NLGN1: variants seen among roughly 807,000 people sequenced by gnomAD.
The protein encoded by NLGN1 is neuroligin-1.
NLGN1 carries 12 observed loss-of-function variants against 65.5 expected under a neutral mutation model. The ratio of observed to expected loss-of-function variants is 0.18; its 90% CI spans 0.12 to 0.30. NLGN1 has a LOEUF of 0.30. NLGN1 is among the 10% of genes least tolerant of loss of function. The probability of loss-of-function intolerance (pLI) is 1.00; values close to 1 mark genes in which losing one functional copy is unlikely to be tolerated. For synonymous variants in NLGN1, 350 were observed against 359.5 expected, an observed-to-expected ratio of 0.97 and a Z score of 0.30; for missense variants, 750 against 1,007.1, an observed-to-expected ratio of 0.74 and a Z score of 3.46.
intron 3 of NLGN1, among the ~76,000 whole-genome samples, chr3:173,752,189 C>T (rs1216764400): frequency 2.0e-5 from 3 of 152,150 alleles, no homozygotes; most frequent in Non-Finnish European, 4.4e-5. Flanking sequence ...TGCCAGACTT[C>T]TGAAGGGCAA....
chr3:173,444,563 T>C (rs1719822000), intron 2 of NLGN1, among the ~76,000 whole-genome samples: 1 of 152,164 alleles, frequency 6.6e-6, no homozygotes, highest in Admixed American at 6.5e-5. Flanking sequence ...CAAAAAAATA[T>C]ATATATTCAC....
At chr3:173,934,701 CAAAGT>C (rs1158010618) in intron 4 of NLGN1, among the ~76,000 whole-genome samples, 4 of 151,916 alleles carry the variant, frequency 2.6e-5, no homozygotes. Context: ...TGAGTATTCT[CAAAGT>C]ATTTTCTCAG....
At chr3:173,770,361 T>C (rs966702287) in intron 3 of NLGN1, among the ~76,000 whole-genome samples, 5 of 152,222 alleles carry the variant, frequency 3.3e-5, no homozygotes, top group African/African-American at 1.2e-4. Flanking sequence ...ACAGATAACG[T>C]TGGTTGATCT....
At chr3:174,129,274 G>A (rs951490856) in intron 4 of NLGN1, among the ~76,000 whole-genome samples, 2 of 150,082 alleles carry the variant, frequency 1.3e-5, no homozygotes, top group Admixed American at 6.7e-5. Context: ...TAAAAATCTC[G>A]TTTTGTATGG....
intron 4 of NLGN1, among the ~76,000 whole-genome samples, chr3:174,036,698 C>T (rs1297400524): frequency 1.3e-5 from 2 of 150,648 alleles, no homozygotes; most frequent in Non-Finnish European, 3.0e-5. Flanking sequence ...TATTTCATCA[C>T]TCAGGTATTA....
chr3:174,233,764 A>T (rs983562471), intron 4 of NLGN1, among the ~76,000 whole-genome samples: 1 of 152,060 alleles, frequency 6.6e-6, no homozygotes, highest in South Asian at 2.1e-4. Flanking sequence ...TGACTTAAAG[A>T]TGTGGAAACT....
intron 4 of NLGN1, among the ~76,000 whole-genome samples, chr3:174,171,142 GATGTT>G (rs1420872090): frequency 1.3e-5 from 2 of 152,064 alleles, no homozygotes; most frequent in East Asian, 3.9e-4. Flanking sequence ...AATGTACAGT[GATGTT>G]ATGTTTCTGA....
chr3:174,231,589 G>A (rs904251601), intron 4 of NLGN1, among the ~76,000 whole-genome samples: 6 of 152,084 alleles, frequency 3.9e-5, no homozygotes. Flanking sequence ...TCCTTCTCAG[G>A]CCATATTTAG....
chr3:173,964,696 G>T lies in NLGN1; in HGVS notation c.646+156864G>T, dbSNP rs372948585. On this transcript the variant is annotated intron_variant, in intron 4 of 6. Transcript: ENST00000457714. Reference sequence around the variant, plus strand: ...TTTTGACTTCTAATTTTTAATAATGGTTCTTCCAAAATGGATTAAAAATGG... The same window carrying T: ...TTTTGACTTCTAATTTTTAATAATGTTTCTTCCAAAATGGATTAAAAATGG... Among the ~76,000 whole-genome samples, 55 of 152,158 alleles carry T rather than the reference G, an allele frequency of 3.6e-4. 1 individual carries two copies. Among genetic ancestry groups the T allele is most frequent in the African/African-American group, 1.3e-3 (52 of 41,530 alleles).
intron 3 of NLGN1, among the ~76,000 whole-genome samples, chr3:173,688,297 GGCTCCTGA>G (rs1362395523): frequency 6.6e-6 from 1 of 152,130 alleles, no homozygotes; most frequent in Admixed American, 6.6e-5. Context: ...ATTTGCTAAT[GGCTCCTGA>G]GGATGCAATG....
In NLGN1 at chr3:173,940,080, C is replaced by CTTTTTTTTTTTTTTTTTTTT. The variant is rs531013909; in HGVS notation, c.646+132254_646+132273dup. Among the ~76,000 whole-genome samples the CTTTTTTTTTTTTTTTTTTTT allele has an allele frequency of 4.9e-4, 37 of 75,434 alleles. 2 individuals are homozygous for CTTTTTTTTTTTTTTTTTTTT. Among genetic ancestry groups the CTTTTTTTTTTTTTTTTTTTT allele is most frequent in the East Asian group, 9.4e-4 (2 of 2,122 alleles). The allele number at this position is 75,434 out of a possible 152,430, so 49.5% of individuals were successfully genotyped here. A position where few individuals can be genotyped will look rare whatever the true frequency, so the allele number is the denominator to read the frequency against. On this transcript the variant is annotated intron_variant, in intron 4 of 6. Coordinates refer to ENST00000457714, the Ensembl canonical transcript of NLGN1. ...AAATTTTACACTCAAATAGTTATAG[C>CTTTTTTTTTTTTTTTTTTTT]TTTTTTTTTTTTTTTTTTTTTTTTT...
Position 173,416,631 on chromosome 3 carries a change from A to G in NLGN1, c.-390+18144A>G, listed in dbSNP as rs113958683. Among the ~76,000 whole-genome samples the G allele has an allele frequency of 6.9e-3, 1,048 of 152,300 alleles. 10 individuals are homozygous for G. The highest frequency in any genetic ancestry group is 0.024 in the African/African-American group (1,006 of 41,576). ...GGCTTTTTCTGGTAAAAGACATGCA[A>G]AAATATACCTACAAAACAATGTGTT... On this transcript the variant is annotated intron_variant, in intron 1 of 6. Coordinates refer to ENST00000457714, the Ensembl canonical transcript of NLGN1.
At chr3:174,045,701 C>T (rs1173102984) in intron 4 of NLGN1, among the ~76,000 whole-genome samples, 4 of 152,090 alleles carry the variant, frequency 2.6e-5, no homozygotes, top group Admixed American at 1.3e-4. Flanking sequence ...AATTTCAAAC[C>T]AGTATTCCTC....
chr3:174,021,891 C>A (rs1039173776), intron 4 of NLGN1, among the ~76,000 whole-genome samples: 8 of 152,164 alleles, frequency 5.3e-5, no homozygotes, highest in Non-Finnish European at 7.3e-5. Context: ...CAATCTCCAG[C>A]TCTCTGTGAA....
At chr3:173,598,921 G>A (rs1264455810) in intron 2 of NLGN1, among the ~76,000 whole-genome samples, 1 of 152,104 alleles carries the variant, frequency 6.6e-6, no homozygotes, top group Non-Finnish European at 1.5e-5. Context: ...AGGAGGCCAG[G>A]CCTTTGAATA....
intron 4 of NLGN1, among the ~76,000 whole-genome samples, chr3:173,884,311 A>G (rs936495770): frequency 2.6e-5 from 4 of 152,136 alleles, no homozygotes; most frequent in Non-Finnish European, 2.9e-5. Context: ...GTTTCCTAGC[A>G]CCTAATTTCT....
intron 2 of NLGN1, among the ~76,000 whole-genome samples, chr3:173,465,703 G>A (rs1053335267): frequency 6.6e-6 from 1 of 152,110 alleles, no homozygotes; most frequent in African/African-American, 2.4e-5. Flanking sequence ...GTTAAACTTT[G>A]CATAAATCCT....
chr3:174,168,854 A>C (rs1728018079), intron 4 of NLGN1, among the ~76,000 whole-genome samples: 1 of 152,164 alleles, frequency 6.6e-6, no homozygotes, highest in Non-Finnish European at 1.5e-5. Flanking sequence ...GGTGTGACAA[A>C]CACTCAGGAG....
intron 3 of NLGN1, among the ~76,000 whole-genome samples, chr3:173,613,336 A>G (rs1466512028): frequency 1.3e-4 from 20 of 152,118 alleles, no homozygotes; most frequent in Non-Finnish European, 1.5e-5. Context: ...ATCAAAACTC[A>G]ATGTGATAGC....
Sources: gnomAD v4.1 joint callset for allele counts (sites outside exome capture counted in the v4.1 genomes callset) on GRCh38, gnomAD v4.1.1 for gene constraint, MANE v1.5 for transcripts, NCBI Gene and HGNC (gene_info 2026-07-23, HGNC 2026-07-21) for gene names.